The following FBXO11 variants were observed in gnomAD, a reference collection of about 807,000 sequenced individuals.
FBXO11 encodes F-box only protein 11.
In FBXO11, 13 loss-of-function variants were observed where a neutral mutation model predicts 117.0. The observed-to-expected ratio is 0.11, with a 90% confidence interval of 0.07 to 0.18. The LOEUF (loss-of-function observed/expected upper bound fraction) is 0.18. Among genes scored for constraint, FBXO11 ranks in the 10% least tolerant of loss-of-function variants. The pLI is 1.00. For synonymous variants in FBXO11, 490 were observed against 380.5 expected (o/e 1.29, Z -3.35); for missense variants, 767 against 1,164.4 (o/e 0.66, Z 4.97).
At chr2:47,853,739 T>C (rs112666022) in intron 1 of FBXO11, among the ~76,000 whole-genome samples, 18 of 152,210 alleles carry the variant, frequency 1.2e-4, no homozygotes, top group African/African-American at 4.1e-4. Context: ...TAACAGTACC[T>C]GGCAGAGATG....
chr2:47,885,040 G>A (rs1381054770), intron 1 of FBXO11, among the ~76,000 whole-genome samples: 1 of 152,190 alleles, frequency 6.6e-6, no homozygotes, highest in Non-Finnish European at 1.5e-5. Context: ...ATTCAGGACA[G>A]TGAATAAGAT....
intron 1 of FBXO11, among the ~76,000 whole-genome samples, chr2:47,868,191 G>A (rs1203422832): frequency 6.6e-6 from 1 of 150,480 alleles, no homozygotes; most frequent in Admixed American, 6.7e-5. Context: ...GCTGAGGCAG[G>A]AGAATCACTT....
chr2:47,823,025 T>G, intron 12 of FBXO11, 118 bp downstream of exon 12: 1 of 631,190 alleles, frequency 1.6e-6, no homozygotes, highest in Non-Finnish European at 2.6e-6. Context: ...TAGGAAAATC[T>G]ATTTTATAGT....
intron 1 of FBXO11, among the ~76,000 whole-genome samples, chr2:47,857,544 C>CA (rs1674402427): frequency 6.6e-6 from 1 of 152,078 alleles, no homozygotes; most frequent in East Asian, 1.9e-4. Context: ...AACTGATCTA[C>CA]ATAGAAGCTT....
intron 16 of FBXO11, among the ~76,000 whole-genome samples, chr2:47,818,234 C>G (rs558115223): frequency 6.6e-6 from 1 of 152,298 alleles, no homozygotes; most frequent in African/African-American, 2.4e-5. Flanking sequence ...GCAGAGAGAT[C>G]TGCTCAACAC....
rs1674291763 is a variant in FBXO11, at chr2:47,856,322, A to G, written c.233-16553T>C. 2.6e-5 allele frequency among the ~76,000 whole-genome samples: 4 copies of G among 152,270 alleles called. No individual in the cohort carries two copies. The South Asian group carries it at 8.3e-4, about 31-fold the overall frequency. On this transcript the variant is annotated intron_variant, in intron 1 of 22. Coordinates refer to ENST00000403359, the MANE Select transcript of FBXO11 (RefSeq NM_001190274.2). ...ATCTTTCTTAAGAAATTACTTGAAG[A>G]CATATTTCAGCAAAACTAAGGTGTA...
At position 47,900,695 on chromosome 2, in the gene FBXO11, T is replaced by C. The variant is rs564222342; in HGVS notation, c.232+4794A>G. Among the ~76,000 whole-genome samples the C allele has an allele frequency of 5.6e-4, 52 of 93,590 alleles. 4 individuals carry two copies. Among genetic ancestry groups the C allele is most frequent in the Admixed American group, 4.1e-3 (44 of 10,604 alleles). The allele number at this position is 93,590 out of a possible 152,430, so 61.4% of individuals were successfully genotyped here. On this transcript the variant is annotated intron_variant, in intron 1 of 22. Coordinates refer to ENST00000403359, the MANE Select transcript of FBXO11 (RefSeq NM_001190274.2). ...ATATACACACGTATACACACACGTA[T>C]ACACACACGTGTATATATATACACG...
intron 1 of FBXO11, among the ~76,000 whole-genome samples, chr2:47,897,435 G>A (rs751728614): frequency 3.3e-5 from 5 of 152,152 alleles, no homozygotes; most frequent in African/African-American, 1.2e-4. Context: ...GGTGGCTCAC[G>A]CCTGTAATCC....
chr2:47,848,545 A>G (rs1673598230), intron 1 of FBXO11, among the ~76,000 whole-genome samples: 1 of 152,226 alleles, frequency 6.6e-6, no homozygotes, highest in Non-Finnish European at 1.5e-5. Context: ...TAAAGGATAA[A>G]AAGTTAATAC....
intron 4 of FBXO11, chr2:47,836,837 G>T: frequency 4.0e-6 from 1 of 250,624 alleles, no homozygotes. Context: ...ACACTGGAGT[G>T]CAGAGGCGTG....
intron 1 of FBXO11, among the ~76,000 whole-genome samples, chr2:47,878,367 T>C (rs906417065): frequency 1.3e-5 from 2 of 152,058 alleles, no homozygotes; most frequent in Non-Finnish European, 2.9e-5. Flanking sequence ...CTTTTTTTTT[T>C]CTTTTTTTAA....
At chr2:47,884,634 G>A (rs1362248491) in intron 1 of FBXO11, among the ~76,000 whole-genome samples, 1 of 152,184 alleles carries the variant, frequency 6.6e-6, no homozygotes, top group Non-Finnish European at 1.5e-5. Flanking sequence ...TCTTTGAAGA[G>A]ACAGAGAATC....
chr2:47,880,260 G>C (rs1469799503), intron 1 of FBXO11, among the ~76,000 whole-genome samples: 2 of 152,166 alleles, frequency 1.3e-5, no homozygotes, highest in Non-Finnish European at 1.5e-5. Context: ...GCCTCCCAGA[G>C]TGCCCTGAGA....
chr2:47,819,302 C>T (rs1003743880), intron 14 of FBXO11, among the ~76,000 whole-genome samples: 2 of 152,146 alleles, frequency 1.3e-5, no homozygotes, highest in Non-Finnish European at 2.9e-5. Flanking sequence ...CCACAACCTT[C>T]GCCTCCCATG....
rs141813971 is a variant in FBXO11 at position 47,894,925 on chromosome 2, C to G, written c.232+10564G>C. Among the ~76,000 whole-genome samples, 129 of 152,106 alleles carry G rather than the reference C, an allele frequency of 8.5e-4. 1 individual carries two copies. Among genetic ancestry groups the G allele is most frequent in the African/African-American group, 2.8e-3 (115 of 41,496 alleles). ...TGGAAAAGGTTAACACTGTAAGCCTCAAGACTGAACTGTTAAAGGATACCA... is the reference window on the plus strand; with the variant it reads ...TGGAAAAGGTTAACACTGTAAGCCTGAAGACTGAACTGTTAAAGGATACCA... On this transcript the variant is annotated intron_variant, in intron 1 of 22. Coordinates refer to ENST00000403359, the MANE Select transcript of FBXO11 (RefSeq NM_001190274.2).
chr2:47,819,192 A>T (rs1344719474), intron 14 of FBXO11, 114 bp from the exon 15 acceptor site: 6 of 921,222 alleles, frequency 6.5e-6, no homozygotes, highest in Non-Finnish European at 9.7e-6. Context: ...TTTTCATCCG[A>T]GTAAGGAGGT....
chr2:47,856,372 A>G (rs961556251), intron 1 of FBXO11, among the ~76,000 whole-genome samples: 2 of 152,270 alleles, frequency 1.3e-5, no homozygotes, highest in African/African-American at 4.8e-5. Context: ...AAGACACGGT[A>G]TGCAGCAATT....
chr2:47,875,255 A>T (rs961335003), intron 1 of FBXO11, among the ~76,000 whole-genome samples: 4 of 152,166 alleles, frequency 2.6e-5, no homozygotes, highest in Non-Finnish European at 5.9e-5. Context: ...TTTAAATTTT[A>T]TTAATTTTAA....
At chr2:47,897,264 A>T (rs970713012) in intron 1 of FBXO11, among the ~76,000 whole-genome samples, 1 of 152,250 alleles carries the variant, frequency 6.6e-6, no homozygotes, top group East Asian at 1.9e-4. Context: ...TATAAAAAAG[A>T]ATTATTGTAT....
Sources: gnomAD v4.1 joint callset for allele counts (sites outside exome capture counted in the v4.1 genomes callset) on GRCh38, gnomAD v4.1.1 for gene constraint, MANE v1.5 for transcripts, NCBI Gene and HGNC (gene_info 2026-07-23, HGNC 2026-07-21) for gene names.